Variants in PDE11A observed in about 807,000 individuals in gnomAD.
The protein encoded by PDE11A is dual 3',5'-cyclic-AMP and -GMP phosphodiesterase 11A.
Under a neutral mutation model 100.5 loss-of-function variants are expected in PDE11A, and 100 were observed. That is an observed-to-expected ratio of 1.00 (90% CI 0.85 to 1.18). PDE11A has a LOEUF of 1.18. Among genes scored for constraint, PDE11A ranks in the 50% most tolerant of loss-of-function variants. The probability of loss-of-function intolerance (pLI) is 0.00; values close to 1 mark genes in which losing one functional copy is unlikely to be tolerated. For missense variants in PDE11A, 1,141 were observed against 1,152.6 expected (o/e 0.99, Z 0.15); for synonymous variants, 381 against 420.8 (o/e 0.91, Z 1.16).
intron 19 of PDE11A, among the ~76,000 whole-genome samples, chr2:177,650,796 T>C (rs1050828195): frequency 3.9e-5 from 6 of 152,206 alleles, no homozygotes; most frequent in African/African-American, 1.2e-4. Context: ...AATAGTGACC[T>C]TTCAGGGTTT....
intron 2 of PDE11A, among the ~76,000 whole-genome samples, chr2:178,000,026 A>C (rs921115266): frequency 2.6e-5 from 4 of 152,158 alleles, no homozygotes; most frequent in Non-Finnish European, 5.9e-5. Context: ...CTCATTTCTA[A>C]ATAGAGTATG....
At chr2:177,825,975 A>T (rs1362394953) in intron 6 of PDE11A, among the ~76,000 whole-genome samples, 1 of 152,202 alleles carries the variant, frequency 6.6e-6, no homozygotes, top group Non-Finnish European at 1.5e-5. Flanking sequence ...AAATACAAAT[A>T]TTGCTAATAT....
chr2:177,935,608 C>G (rs1215789015), intron 2 of PDE11A, among the ~76,000 whole-genome samples: 2 of 152,128 alleles, frequency 1.3e-5, no homozygotes, highest in East Asian at 3.9e-4. Context: ...CAAGGTGGGG[C>G]CCTTGCCTCA....
intron 2 of PDE11A, among the ~76,000 whole-genome samples, chr2:177,993,432 C>G (rs2086028685): frequency 6.6e-6 from 1 of 151,892 alleles, no homozygotes; most frequent in Non-Finnish European, 1.5e-5. Context: ...TTAAAGTCCC[C>G]TTGCTTTCTA....
intron 10 of PDE11A, among the ~76,000 whole-genome samples, chr2:177,760,538 G>A (rs1001035535): frequency 3.0e-4 from 46 of 152,192 alleles, no homozygotes; most frequent in African/African-American, 1.1e-3. Flanking sequence ...CAACATTTAT[G>A]TTGTTTTATG....
At chr2:177,657,656 G>A (rs1490424376) in intron 19 of PDE11A, among the ~76,000 whole-genome samples, 1 of 151,872 alleles carries the variant, frequency 6.6e-6, no homozygotes, top group East Asian at 1.9e-4. Context: ...AGAGAAGAGA[G>A]GAGAAAGAGA....
intron 2 of PDE11A, 27 bp downstream of exon 2, chr2:178,014,275 C>A: frequency 6.4e-7 from 1 of 1,562,174 alleles, no homozygotes; most frequent in Non-Finnish European, 8.8e-7. Context: ...AAGAAAAGTA[C>A]AACTCACAAA....
At position 177,625,385 on chromosome 2, in the gene PDE11A, A is replaced by G. The variant is rs1168770041; in HGVS notation, c.*4022T>C. The stretch of plus-strand genomic sequence containing the variant: ...CTAAGACTTGGAGAGTCCTAAGATT[A>G]CAGGTTCAGCTGGTGGCCAAGCTAG... On this transcript the variant is annotated 3_prime_UTR_variant, in exon 20 of 20. Transcript: ENST00000286063. 1 of 152,644 alleles carries G rather than the reference A, an allele frequency of 6.6e-6. No homozygotes were observed. Among genetic ancestry groups the G allele is most frequent in the Non-Finnish European group, 1.5e-5 (1 of 68,046 alleles). 9.5% of individuals were successfully genotyped at this position (152,644 alleles called of 1,614,324 possible).
Position 177,728,024 on chromosome 2 carries a change from A to G in PDE11A, c.1935+2T>C. On this transcript the variant is annotated splice_donor_variant, in intron 11 of 19. Transcript: ENST00000286063. LOFTEE classifies it high-confidence loss of function. ...TTGGATCACCCAAGACAGACATCTT[A>G]CCTCATAGTCAATTTTAAATTTCTG... is the stretch of plus-strand genomic sequence containing the variant. 1.2e-6 allele frequency: 2 copies of G among 1,611,990 alleles called. No homozygotes were observed. Among genetic ancestry groups the G allele is most frequent in the Non-Finnish European group, 1.7e-6 (2 of 1,178,382 alleles).
intron 9 of PDE11A, among the ~76,000 whole-genome samples, chr2:177,777,647 C>A (rs1433031640): frequency 6.6e-6 from 1 of 152,076 alleles, no homozygotes; most frequent in Non-Finnish European, 1.5e-5. Context: ...AGTAAAAATG[C>A]TTTAATTGAA....
rs75723804 is a variant in PDE11A, at chr2:177,796,231, C to A, written c.1737+20598G>T. 2.2e-3 allele frequency among the ~76,000 whole-genome samples: 337 copies of A among 152,036 alleles called. 1 individual carries two copies. The highest frequency in any genetic ancestry group is 7.8e-3 in the African/African-American group (322 of 41,488). On this transcript the variant is annotated intron_variant, in intron 9 of 19. Transcript: ENST00000286063. ...TGTGAGAGTTGGCCTGGGCCCCAAG[C>A]TTTGAAGGGCTCCACTCTGTCTCTT...
At chr2:177,648,752 A>C (rs1239886638) in intron 19 of PDE11A, among the ~76,000 whole-genome samples, 1 of 152,128 alleles carries the variant, frequency 6.6e-6, no homozygotes, top group Non-Finnish European at 1.5e-5. Context: ...AGTTAAGGGA[A>C]TCAGTATATG....
intron 19 of PDE11A, among the ~76,000 whole-genome samples, chr2:177,631,291 CAAA>C (rs869059416): frequency 0.033 from 394 of 11,820 alleles, 12 homozygotes; most frequent in African/African-American, 0.079. Flanking sequence ...ACTAAAAATG[CAAA>C]AAAAAAAAAA....
intron 2 of PDE11A, among the ~76,000 whole-genome samples, chr2:177,971,674 G>T (rs978275921): frequency 2.6e-5 from 4 of 152,134 alleles, no homozygotes; most frequent in Non-Finnish European, 5.9e-5. Flanking sequence ...GAAGAGAGAG[G>T]GGATGGAGGA....
chr2:177,853,765 T>C (rs2083773615), intron 5 of PDE11A, among the ~76,000 whole-genome samples: 1 of 3,556 alleles, frequency 2.8e-4, no homozygotes, highest in Admixed American at 0.011. Context: ...TCTATATATG[T>C]ATATATATCT....
At chr2:177,695,156 T>TGA (rs112853400) in intron 15 of PDE11A, among the ~76,000 whole-genome samples, 2,655 of 152,066 alleles carry the variant, frequency 0.017, 73 homozygotes, top group African/African-American at 0.06. Context: ...TAAAATAATT[T>TGA]GTTTCCGTTA....
chr2:177,732,592 TC>T (rs1343921159), intron 10 of PDE11A, among the ~76,000 whole-genome samples: 1 of 152,190 alleles, frequency 6.6e-6, no homozygotes, highest in Non-Finnish European at 1.5e-5. Context: ...CCATTATAAA[TC>T]CTCTACCTTC....
chr2:177,734,089 G>C (rs1172870455), intron 10 of PDE11A, among the ~76,000 whole-genome samples: 1 of 152,122 alleles, frequency 6.6e-6, no homozygotes, highest in Non-Finnish European at 1.5e-5. Context: ...CATGACTGGA[G>C]TTTGGGATTT....
intron 12 of PDE11A, among the ~76,000 whole-genome samples, chr2:177,712,254 A>G (rs2105426029): frequency 6.6e-6 from 1 of 152,248 alleles, no homozygotes; most frequent in Admixed American, 6.5e-5. Flanking sequence ...AGGTTGGGGA[A>G]TAGGAAGGGG....
Sources: allele counts gnomAD v4.1 joint callset (sites outside exome capture counted in the v4.1 genomes callset), GRCh38; gene constraint gnomAD v4.1.1; transcripts MANE v1.5; gene names NCBI Gene and HGNC (gene_info 2026-07-23, HGNC 2026-07-21).